The following GABRB1 variants were observed in gnomAD, a reference collection of about 807,000 sequenced individuals.
GABRB1 encodes gamma-aminobutyric acid type A receptor subunit beta1.
A neutral mutation model predicts 51.6 loss-of-function variants in GABRB1; 17 were observed. The ratio of observed to expected loss-of-function variants is 0.33; its 90% CI spans 0.23 to 0.49. The LOEUF (loss-of-function observed/expected upper bound fraction) is 0.49. Ranked by LOEUF, GABRB1 falls within the 20% of genes least tolerant of loss-of-function variation. The pLI, the probability that GABRB1 is intolerant of heterozygous loss-of-function variation, is 0.99. For synonymous variants in GABRB1, 247 were observed against 218.9 expected (o/e 1.13, Z -1.14); for missense variants, 410 against 600.6 (o/e 0.68, Z 3.32).
At chr4:47,264,417 G>A (rs1349230720) in intron 4 of GABRB1, among the ~76,000 whole-genome samples, 2 of 152,190 alleles carry the variant, frequency 1.3e-5, no homozygotes, top group Non-Finnish European at 2.9e-5. Context: ...TTAAATGTAA[G>A]CCTACATAGT....
chr4:47,060,617 C>T (rs1458711217), intron 3 of GABRB1, among the ~76,000 whole-genome samples: 1 of 152,096 alleles, frequency 6.6e-6, no homozygotes, highest in Non-Finnish European at 1.5e-5. Flanking sequence ...GTTTAAAAAT[C>T]CAACAGGGTC....
At chr4:47,340,454 C>T (rs1183420021) in intron 5 of GABRB1, among the ~76,000 whole-genome samples, 3 of 152,102 alleles carry the variant, frequency 2.0e-5, no homozygotes, top group Non-Finnish European at 4.4e-5. Context: ...GTAGGTTATA[C>T]ACAGCAGAAA....
At position 47,350,218 on chromosome 4, in the gene GABRB1, T is replaced by TAGAGAGAGAG. The variant is rs59905765; in HGVS notation, c.544+30026_544+30035dup. 2.4e-3 allele frequency among the ~76,000 whole-genome samples: 136 copies of TAGAGAGAGAG among 56,640 alleles called. 2 individuals carry two copies. Among genetic ancestry groups the TAGAGAGAGAG allele is most frequent in the East Asian group, 4.5e-3 (5 of 1,118 alleles). 37.2% of individuals were successfully genotyped at this position (56,640 alleles called of 152,430 possible). On this transcript the variant is annotated intron_variant, in intron 5 of 8. Coordinates refer to ENST00000295454, the MANE Select transcript of GABRB1 (RefSeq NM_000812.4). ...ATATATATATATATATATATATATATAGAGAGAGAGAGAGAGAGAGAGAGA... is the reference window on the plus strand; with the variant it reads ...ATATATATATATATATATATATATATAGAGAGAGAGAGAGAGAGAGAGAGAGAGAGAGAGA...
intron 3 of GABRB1, among the ~76,000 whole-genome samples, chr4:47,058,058 T>G (rs1253977632): frequency 4.6e-5 from 7 of 152,074 alleles, no homozygotes; most frequent in Admixed American, 2.6e-4. Context: ...AATAGTAAAA[T>G]CTACCACCTG....
intron 3 of GABRB1, among the ~76,000 whole-genome samples, chr4:47,143,901 A>C (rs868197728): frequency 6.6e-6 from 1 of 151,844 alleles, no homozygotes; most frequent in South Asian, 2.1e-4. Context: ...AGAATAGAGA[A>C]GTTTTCTGTC....
At chr4:47,058,310 A>G (rs938971513) in intron 3 of GABRB1, among the ~76,000 whole-genome samples, 12 of 152,208 alleles carry the variant, frequency 7.9e-5, no homozygotes, top group Non-Finnish European at 1.8e-4. Flanking sequence ...ATAGATTGGG[A>G]AAAAGTCTAT....
chr4:47,296,557 A>G (rs1724002097), intron 4 of GABRB1, among the ~76,000 whole-genome samples: 1 of 152,230 alleles, frequency 6.6e-6, no homozygotes, highest in South Asian at 2.1e-4. Context: ...AAGAAGAGCT[A>G]ACTATCCTAA....
intron 4 of GABRB1, among the ~76,000 whole-genome samples, chr4:47,318,247 C>G (rs779065137): frequency 1.3e-5 from 2 of 151,852 alleles, no homozygotes; most frequent in African/African-American, 2.4e-5. Flanking sequence ...GCCCAGTGCC[C>G]CATACTTAAG....
chr4:47,082,745 C>G (rs1161235187), intron 3 of GABRB1, among the ~76,000 whole-genome samples: 2 of 152,038 alleles, frequency 1.3e-5, no homozygotes, highest in African/African-American at 4.8e-5. Context: ...CTGAAATGCT[C>G]TGCAATATAT....
intron 8 of GABRB1, among the ~76,000 whole-genome samples, chr4:47,413,707 A>G (rs1447234718): frequency 3.3e-5 from 5 of 152,156 alleles, no homozygotes; most frequent in Non-Finnish European, 5.9e-5. Flanking sequence ...GTTGTTACAC[A>G]TTACTTTTGA....
At chr4:47,386,190 C>T (rs1727790249) in intron 5 of GABRB1, among the ~76,000 whole-genome samples, 1 of 152,178 alleles carries the variant, frequency 6.6e-6, no homozygotes, top group South Asian at 2.1e-4. Flanking sequence ...AACCAGCCCC[C>T]ATCCTGAAGC....
At position 47,011,815 on chromosome 4, in the gene GABRB1, C is replaced by A. The variant is rs540091714; in HGVS notation, c.-20+17889C>A. Reference sequence around the variant, plus strand: ...GATGAATGAGTATAAATCTTCCCACCAACTATATATGCTGTATAGGCTTCT... The same window carrying A: ...GATGAATGAGTATAAATCTTCCCACAAACTATATATGCTGTATAGGCTTCT... On this transcript the variant is annotated intron_variant, in intron 1 of 3. Coordinates refer to the GABRB1 transcript ENST00000513567. Among the ~76,000 whole-genome samples the A allele has an allele frequency of 3.9e-5, 6 of 152,014 alleles. No homozygotes were observed. The South Asian group carries it at 1.2e-3, about 32-fold the overall frequency.
chr4:47,291,843 A>G (rs1009613895), intron 4 of GABRB1, among the ~76,000 whole-genome samples: 1 of 152,196 alleles, frequency 6.6e-6, no homozygotes, highest in African/African-American at 2.4e-5. Flanking sequence ...TATCTAGGAA[A>G]TAACTAACCT....
intron 4 of GABRB1, among the ~76,000 whole-genome samples, chr4:47,226,319 G>A (rs1235678049): frequency 1.3e-5 from 2 of 152,112 alleles, no homozygotes; most frequent in Non-Finnish European, 2.9e-5. Flanking sequence ...ATCAAGGAAT[G>A]CCTATGAATG....
intron 5 of GABRB1, among the ~76,000 whole-genome samples, chr4:47,342,258 T>C (rs1725926703): frequency 6.6e-6 from 1 of 152,116 alleles, no homozygotes. Flanking sequence ...TAAAACTACT[T>C]AAAAAACAAA....
chr4:47,148,411 G>A (rs554527299), intron 3 of GABRB1, among the ~76,000 whole-genome samples: 3 of 152,156 alleles, frequency 2.0e-5, no homozygotes, highest in South Asian at 4.1e-4. Flanking sequence ...CTTTATCCTA[G>A]AGTCGTCATG....
Position 47,214,922 on chromosome 4 carries a change from G to A in GABRB1, c.461+53453G>A, listed in dbSNP as rs114109475. ...TAGGTATATGACAGCCCTAAGTAAA[G>A]ACCATATTTCTCAGCTTCCCTTAGA... On this transcript the variant is annotated intron_variant, in intron 4 of 8. Transcript: ENST00000295454. Among the ~76,000 whole-genome samples, 1,267 of 152,262 alleles carry A rather than the reference G, an allele frequency of 8.3e-3. 8 individuals carry two copies. Among genetic ancestry groups the A allele is most frequent in the Middle Eastern group, 0.024 (7 of 294 alleles).
At chr4:47,305,034 T>C (rs759034887) in intron 4 of GABRB1, among the ~76,000 whole-genome samples, 6 of 152,116 alleles carry the variant, frequency 3.9e-5, no homozygotes, top group Non-Finnish European at 8.8e-5. Flanking sequence ...TCATTTTGTT[T>C]CTTGAAAAGA....
chr4:47,097,581 G>A (rs150566776), intron 3 of GABRB1, among the ~76,000 whole-genome samples: 72 of 152,162 alleles, frequency 4.7e-4, no homozygotes, highest in African/African-American at 1.5e-3. Flanking sequence ...CTCTCTCCAT[G>A]AGAATGTAAG....
Sources: allele counts gnomAD v4.1 joint callset (sites outside exome capture counted in the v4.1 genomes callset), GRCh38; gene constraint gnomAD v4.1.1; transcripts MANE v1.5; gene names NCBI Gene and HGNC (gene_info 2026-07-23, HGNC 2026-07-21).